FKBP11: variants seen among roughly 807,000 people sequenced by gnomAD.
FKBP11 encodes the protein peptidyl-prolyl cis-trans isomerase FKBP11.
In FKBP11, 21 loss-of-function variants were observed where a neutral mutation model predicts 24.7. The observed-to-expected ratio is 0.85, with a 90% confidence interval of 0.60 to 1.23. The LOEUF is 1.23. Among genes scored for constraint, FKBP11 ranks in the 50% most tolerant of loss-of-function variants. The pLI, the probability that FKBP11 is intolerant of heterozygous loss-of-function variation, is 0.00. For missense variants in FKBP11, 245 were observed against 248.7 expected (o/e 0.99, Z 0.10); for synonymous variants, 106 against 100.6 (o/e 1.05, Z -0.32).
the FKBP11 span, chr12:48,935,854 A>G: frequency 5.9e-5 from 9 of 152,218 alleles, no homozygotes; most frequent in African/African-American, 2.4e-5. Flanking sequence ...GGGGCCCTCC[A>G]AGTTCAGGGC....
the FKBP11 span, chr12:48,937,187 T>C: frequency 6.6e-6 from 1 of 152,272 alleles, no homozygotes; most frequent in Non-Finnish European, 1.5e-5. Context: ...GGGTTACTAA[T>C]ATTGATCCAT....
rs755381017 is a variant in FKBP11 at position 48,925,329 on chromosome 12, G to T, written c.100C>A (p.Pro34Thr). Residue 34 changes from proline to threonine, a missense_variant, in exon 1 of 6, where the codon CCC (proline) becomes ACC (threonine). Coordinates refer to ENST00000550765, the MANE Select transcript of FKBP11 (RefSeq NM_016594.3). ...RAEAGLETES[P>T]VRTLQVETLV... ...GTCTCCACTTGGAGGGTCCGGACGGGACTTTCGGTTTCGAGCCCAGCCTCA... is the reference window on the plus strand; with the variant it reads ...GTCTCCACTTGGAGGGTCCGGACGGTACTTTCGGTTTCGAGCCCAGCCTCA... 3.7e-6 allele frequency: 6 copies of T among 1,611,338 alleles called. No homozygotes were observed. The highest frequency in any genetic ancestry group is 5.1e-6 in the Non-Finnish European group (6 of 1,179,308).
At chr12:48,929,175 G>T (rs1260755732), upstream of FKBP11, among the ~76,000 whole-genome samples, 1 of 151,882 alleles carries the variant, frequency 6.6e-6, no homozygotes, top group Non-Finnish European at 1.5e-5. Context: ...GTCTTGGTGT[G>T]GTGGCTCACA....
intron 4 of FKBP11, 121 bp downstream of exon 4, chr12:48,924,102 C>G: frequency 8.3e-7 from 1 of 1,206,608 alleles, no homozygotes; most frequent in South Asian, 1.2e-5. Flanking sequence ...TGACCTGGAC[C>G]TGTCCAGTGG....
At chr12:48,933,476 C>A in the FKBP11 span, among the ~76,000 whole-genome samples, 1 of 152,164 alleles carries the variant, frequency 6.6e-6, no homozygotes, top group Non-Finnish European at 1.5e-5. Context: ...CCAAGGTGGG[C>A]GAATCACTTG....
chr12:48,922,138 T>G lies in FKBP11; in HGVS notation c.452A>C (p.Lys151Thr). ...CAGAGGCAAAATGCCCTTCACCAGC[T>G]TTAGCCAGTAGTTGGCTCGGATTAG... ...IALIRANYWL[K>T]LVKGILPLVG... is the part of the protein sequence containing the mutation. Residue 151 changes from lysine to threonine, a missense_variant, in exon 6 of 6, where the codon AAG becomes ACG. Physicochemically the swap from Lys to Thr is moderately conservative, Grantham distance 78. Transcript: ENST00000550765. 1 of 1,614,192 alleles carries G rather than the reference T, an allele frequency of 6.2e-7. No individual in the cohort carries two copies. Among genetic ancestry groups the G allele is most frequent in the Non-Finnish European group, 8.5e-7 (1 of 1,180,024 alleles).
the FKBP11 span, among the ~76,000 whole-genome samples, chr12:48,932,102 G>A: frequency 6.7e-6 from 1 of 149,012 alleles, no homozygotes. Context: ...CTTGAGCCCA[G>A]GAGTTTGAAA....
intron 2 of FKBP11, 120 bp downstream of exon 2, chr12:48,924,926 A>G: frequency 7.0e-7 from 1 of 1,437,862 alleles, no homozygotes; most frequent in South Asian, 1.5e-5. Context: ...GTGCTCGACG[A>G]CCCCAGAGCC....
intron 2 of FKBP11, 27 bp from the exon 3 acceptor site, chr12:48,924,675 A>C (rs771465063): frequency 1.6e-5 from 26 of 1,605,064 alleles, no homozygotes; most frequent in Non-Finnish European, 2.1e-5. Context: ...TCAAGAGCAT[A>C]CATCTAGCAC....
the FKBP11 span, chr12:48,938,843 GGGCCCT>G: frequency 2.8e-6 from 4 of 1,450,424 alleles, no homozygotes; most frequent in African/African-American, 1.4e-5. Flanking sequence ...ATGATACCCA[GGGCCCT>G]GGCCACACTT....
At chr12:48,925,519 C>A, upstream of FKBP11, 1 of 1,445,000 alleles carries the variant, frequency 6.9e-7, no homozygotes, top group Non-Finnish European at 9.2e-7. Context: ...CCAGGCCAGA[C>A]TGGACGGGAC....
At chr12:48,924,196 C>T in intron 4 of FKBP11, 27 bp downstream of exon 4, 1 of 1,613,984 alleles carries the variant, frequency 6.2e-7, no homozygotes, top group Non-Finnish European at 8.5e-7. Context: ...AGGGGGTACC[C>T]AGGCCCACCC....
At chr12:48,932,430 G>C in the FKBP11 span, among the ~76,000 whole-genome samples, 1 of 149,956 alleles carries the variant, frequency 6.7e-6, no homozygotes, top group Non-Finnish European at 1.5e-5. Context: ...GTATTTTCAA[G>C]GGTATACATA....
upstream of FKBP11, among the ~76,000 whole-genome samples, chr12:48,931,031 A>T (rs1940042174): frequency 6.8e-6 from 1 of 146,290 alleles, no homozygotes; most frequent in African/African-American, 2.5e-5. Context: ...CGGGAGGCTG[A>T]GGCAGGAGAA....
chr12:48,933,147 G>A, the FKBP11 span, among the ~76,000 whole-genome samples: 10 of 152,168 alleles, frequency 6.6e-5, no homozygotes, highest in Non-Finnish European at 1.2e-4. Context: ...CGGTGGCTTT[G>A]CTCCCTTTAC....
the FKBP11 span, among the ~76,000 whole-genome samples, chr12:48,935,174 T>G: frequency 6.6e-6 from 1 of 152,014 alleles, no homozygotes; most frequent in Non-Finnish European, 1.5e-5. Context: ...TCAAAGTCAT[T>G]GGGATTGATA....
intron 3 of FKBP11, 98 bp downstream of exon 3, chr12:48,924,463 T>C: frequency 8.0e-7 from 1 of 1,250,500 alleles, no homozygotes; most frequent in East Asian, 2.3e-5. Context: ...AGGGTCTTAC[T>C]CATTTCAGGG....
At chr12:48,930,615 A>G (rs567650707), upstream of FKBP11, among the ~76,000 whole-genome samples, 23 of 152,358 alleles carry the variant, frequency 1.5e-4, no homozygotes, top group African/African-American at 5.3e-4. Flanking sequence ...AAAGGAGCCA[A>G]CGTGGGGAAA....
chr12:48,936,591 G>A, the FKBP11 span: 1 of 152,636 alleles, frequency 6.6e-6, no homozygotes, highest in Non-Finnish European at 1.5e-5. Context: ...GGACAGATCT[G>A]GGGCAGCACC....
Sources: allele counts gnomAD v4.1 joint callset (sites outside exome capture counted in the v4.1 genomes callset), GRCh38; gene constraint gnomAD v4.1.1; transcripts MANE v1.5; gene names NCBI Gene and HGNC (gene_info 2026-07-23, HGNC 2026-07-21).